SYT16: variants seen among roughly 807,000 people sequenced by gnomAD.
The protein encoded by SYT16 is synaptotagmin 16, also known as synaptotagmin-16.
Under a neutral mutation model 61.4 loss-of-function variants are expected in SYT16, and 42 were observed. The ratio of observed to expected loss-of-function variants is 0.68; its 90% CI spans 0.53 to 0.89. The LOEUF is 0.89. SYT16 is among the 40% of genes least tolerant of loss of function. The probability of loss-of-function intolerance (pLI) is 0.00; values close to 1 mark genes in which losing one functional copy is unlikely to be tolerated. For missense variants in SYT16, 804 were observed against 807.3 expected (o/e 1.00, Z 0.05); for synonymous variants, 314 against 302.3 (o/e 1.04, Z -0.40).
rs1566852969 is a variant in SYT16 at position 62,102,304 on chromosome 14, ACT to A, written c.*1600_*1601del. 6.6e-6 allele frequency: 1 copy of A among 152,008 alleles called. No individual in the cohort carries two copies. Among genetic ancestry groups the A allele is most frequent in the Non-Finnish European group, 1.5e-5 (1 of 67,990 alleles). 9.4% of individuals were successfully genotyped at this position (152,008 alleles called of 1,614,324 possible). The stretch of plus-strand genomic sequence containing the variant: ...CAAGACCAGACTAGGGCACAGGATA[ACT>A]CTACTATGCTTTCAGGGTTCAGTCT... On this transcript the variant is annotated 3_prime_UTR_variant, in exon 8 of 8. Coordinates refer to ENST00000683842, the MANE Select transcript of SYT16 (RefSeq NM_001367656.1).
At chr14:61,873,722 C>T (rs112131212) in intron 1 of SYT16, among the ~76,000 whole-genome samples, 39 of 152,246 alleles carry the variant, frequency 2.6e-4, no homozygotes, top group African/African-American at 9.4e-4. Flanking sequence ...TGAACCATTT[C>T]CTATTCTGAC....
chr14:61,990,490 G>T (rs114564157), intron 2 of SYT16, among the ~76,000 whole-genome samples: 1,536 of 152,228 alleles, frequency 0.01, 27 homozygotes, highest in African/African-American at 0.035. Context: ...TTTAGTAGAT[G>T]AACTTGTATA....
At chr14:61,991,966 A>G (rs2052570890) in intron 2 of SYT16, among the ~76,000 whole-genome samples, 1 of 151,410 alleles carries the variant, frequency 6.6e-6, no homozygotes, top group African/African-American at 2.5e-5. Flanking sequence ...TCATTCATTC[A>G]TTCATTCATT....
intron 1 of SYT16, among the ~76,000 whole-genome samples, chr14:61,837,317 A>G (rs555667551): frequency 8.6e-5 from 13 of 150,380 alleles, no homozygotes; most frequent in Non-Finnish European, 3.0e-5. Context: ...GTTCACTGCA[A>G]CCTCTGTCTC....
intron 1 of SYT16, among the ~76,000 whole-genome samples, chr14:61,816,279 G>T (rs1049724989): frequency 2.0e-5 from 3 of 150,462 alleles, no homozygotes; most frequent in African/African-American, 7.3e-5. Context: ...TCCACTCAGT[G>T]CTCAGTCCTG....
intron 1 of SYT16, among the ~76,000 whole-genome samples, chr14:61,817,539 C>T (rs956376984): frequency 1.3e-5 from 2 of 151,858 alleles, no homozygotes; most frequent in African/African-American, 2.4e-5. Context: ...GTTCTGATCA[C>T]GAGGAAACAT....
chr14:61,814,391 G>A (rs1395053546), intron 1 of SYT16, among the ~76,000 whole-genome samples: 2 of 152,162 alleles, frequency 1.3e-5, no homozygotes, highest in African/African-American at 4.8e-5. Context: ...AAAAACAAAG[G>A]CAAAGGGGTT....
chr14:62,045,613 C>G (rs1319974958), intron 3 of SYT16, among the ~76,000 whole-genome samples: 1 of 152,150 alleles, frequency 6.6e-6, no homozygotes, highest in Non-Finnish European at 1.5e-5. Flanking sequence ...TTCCCCCACC[C>G]CACAACAGGC....
chr14:61,950,108 T>C (rs1002492354), intron 1 of SYT16, among the ~76,000 whole-genome samples: 13 of 152,188 alleles, frequency 8.5e-5, no homozygotes, highest in African/African-American at 2.9e-4. Context: ...AGTTATAAGG[T>C]CAAATGTAAT....
rs190855696 is a variant in SYT16 at position 61,976,662 on chromosome 14, C to A, written c.-145+6351C>A. ...ATGACTGGGATGCAGAGCACCAACTCCCGAGACTGTACAAAACAGCAAGGC... is the reference window on the plus strand; with the variant it reads ...ATGACTGGGATGCAGAGCACCAACTACCGAGACTGTACAAAACAGCAAGGC... On this transcript the variant is annotated intron_variant, in intron 2 of 7. Coordinates refer to ENST00000683842, the MANE Select transcript of SYT16 (RefSeq NM_001367656.1). Among the ~76,000 whole-genome samples the A allele has an allele frequency of 4.1e-3, 626 of 152,232 alleles. 1 individual carries two copies. Among genetic ancestry groups the A allele is most frequent in the South Asian group, 7.9e-3 (38 of 4,818 alleles).
chr14:61,846,751 TC>T (rs1322335172), intron 1 of SYT16, among the ~76,000 whole-genome samples: 6 of 151,412 alleles, frequency 4.0e-5, no homozygotes, highest in Admixed American at 3.3e-4. Context: ...CTTCCTGCCT[TC>T]CTTTTAGTGA....
intron 3 of SYT16, among the ~76,000 whole-genome samples, chr14:62,042,571 A>G (rs968572136): frequency 3.3e-5 from 5 of 152,172 alleles, no homozygotes; most frequent in African/African-American, 9.6e-5. Flanking sequence ...TGGAACAGGC[A>G]CTATTTGTGG....
In SYT16 at chr14:61,858,859, C is replaced by CTT. The variant is rs541030567; in HGVS notation, c.-325+46061_-325+46062dup. On this transcript the variant is annotated intron_variant, in intron 1 of 7. Coordinates refer to ENST00000683842, the MANE Select transcript of SYT16 (RefSeq NM_001367656.1). ...TTTCTTTTTTCTTTTCTTTTCTTTT[C>CTT]TTTTTTTTTTTTTGAGACGGAGTCT... 2.1e-3 allele frequency among the ~76,000 whole-genome samples: 296 copies of CTT among 138,920 alleles called. 4 individuals are homozygous for CTT. The highest frequency in any genetic ancestry group is 7.6e-3 in the African/African-American group (278 of 36,596). The allele number at this position is 138,920 out of a possible 152,430, so 91.1% of individuals were successfully genotyped here.
chr14:61,959,022 C>A (rs1302573004), intron 1 of SYT16, among the ~76,000 whole-genome samples: 1 of 152,028 alleles, frequency 6.6e-6, no homozygotes, highest in Non-Finnish European at 1.5e-5. Context: ...TCTCTTGTGA[C>A]AGTTTTTGTC....
At chr14:62,013,751 G>A (rs567488541) in intron 3 of SYT16, among the ~76,000 whole-genome samples, 3 of 152,268 alleles carry the variant, frequency 2.0e-5, no homozygotes, top group Non-Finnish European at 2.9e-5. Flanking sequence ...AGATCATGAG[G>A]TCAGGTGTTC....
intron 1 of SYT16, among the ~76,000 whole-genome samples, chr14:61,967,319 C>G (rs911408824): frequency 2.0e-5 from 3 of 152,126 alleles, no homozygotes; most frequent in East Asian, 3.8e-4. Flanking sequence ...AGATTTTGTC[C>G]TCTGGGTAAT....
At chr14:61,896,987 C>G (rs2048346797) in intron 1 of SYT16, among the ~76,000 whole-genome samples, 1 of 152,164 alleles carries the variant, frequency 6.6e-6, no homozygotes, top group Non-Finnish European at 1.5e-5. Context: ...ACTATGGCCT[C>G]TGGGCTTTGT....
intron 3 of SYT16, among the ~76,000 whole-genome samples, chr14:62,012,850 T>C (rs1014879697): frequency 1.3e-5 from 2 of 152,216 alleles, no homozygotes; most frequent in African/African-American, 4.8e-5. Context: ...ATATTTGAAT[T>C]GATTTTGAAA....
At chr14:61,974,181 TG>T (rs1485189785) in intron 2 of SYT16, among the ~76,000 whole-genome samples, 1 of 152,090 alleles carries the variant, frequency 6.6e-6, no homozygotes, top group East Asian at 1.9e-4. Context: ...TGCCTGACCC[TG>T]GTGGTGGGAG....
Sources: gnomAD v4.1 joint callset for allele counts (sites outside exome capture counted in the v4.1 genomes callset) on GRCh38, gnomAD v4.1.1 for gene constraint, MANE v1.5 for transcripts, NCBI Gene and HGNC (gene_info 2026-07-23, HGNC 2026-07-21) for gene names.